Variants in IL15RA observed in about 807,000 individuals in gnomAD.
IL15RA encodes the protein interleukin 15 receptor subunit alpha, also known as interleukin-15 receptor subunit alpha.
A neutral mutation model predicts 24.2 loss-of-function variants in IL15RA; 26 were observed. That is an observed-to-expected ratio of 1.07 (90% confidence interval 0.79 to 1.49). IL15RA has a LOEUF of 1.49. Among genes scored for constraint, IL15RA ranks in the 40% most tolerant of loss-of-function variants. The pLI is 0.00. For synonymous variants in IL15RA, 166 were observed against 157.6 expected, an observed-to-expected ratio of 1.05 and a Z score of -0.40; for missense variants, 354 against 356.4, an observed-to-expected ratio of 0.99 and a Z score of 0.05.
intron 5 of IL15RA, 76 bp from the exon 6 acceptor site, chr10:5,956,530 T>C (rs1347309263): frequency 1.3e-5 from 15 of 1,118,516 alleles, no homozygotes; most frequent in Non-Finnish European, 1.8e-5. Flanking sequence ...TTACCATGGA[T>C]GTTCTTACAG....
rs1000373609 is a variant in IL15RA, at chr10:5,975,657, C to T, written c.88+1748G>A. On this transcript the variant is annotated intron_variant, in intron 1 of 6. Transcript: ENST00000379977. This position sits in a 1 kb window ranked among gnomAD's most constrained non-coding sequence, Gnocchi z 4.8. ...ATCCCAGCACTTTGGAAGGCCGAGG[C>T]GGGCAGATCACAAGGTCAGGAGTGA... is the stretch of plus-strand genomic sequence containing the variant. Among the ~76,000 whole-genome samples, 5 of 152,028 alleles carry T rather than the reference C, an allele frequency of 3.3e-5. No homozygotes were observed. The highest frequency in any genetic ancestry group is 5.9e-5 in the Non-Finnish European group (4 of 68,000).
chr10:5,976,599 A>C (rs2132760856), intron 1 of IL15RA, among the ~76,000 whole-genome samples: 1 of 152,248 alleles, frequency 6.6e-6, no homozygotes, highest in East Asian at 1.9e-4. Flanking sequence ...AAGCGCTGAC[A>C]AGGATAGAGC....
Position 5,961,529 on chromosome 10 carries a change from C to T in IL15RA, c.383-962G>A, listed in dbSNP as rs914960530. 8.5e-5 allele frequency among the ~76,000 whole-genome samples: 13 copies of T among 152,234 alleles called. No homozygotes were observed. Among genetic ancestry groups the T allele is most frequent in the African/African-American group, 2.9e-4 (12 of 41,458 alleles). On this transcript the variant is annotated intron_variant, in intron 3 of 6. Transcript: ENST00000379977. The surrounding 1 kb of genome is among the most constrained non-coding windows in gnomAD (Gnocchi z 5.2). Reference sequence around the variant, plus strand: ...TGAGAGCAGGTGAAGCTGCGCTGGCCGAGGACGCTCGGAGCGGCTGCGTGT... The same window carrying T: ...TGAGAGCAGGTGAAGCTGCGCTGGCTGAGGACGCTCGGAGCGGCTGCGTGT...
At chr10:5,977,634 A>G, upstream of IL15RA, 1 of 1,261,672 alleles carries the variant, frequency 7.9e-7, no homozygotes, top group Non-Finnish European at 1.0e-6. Context: ...GAGGGCTCGG[A>G]GAGGTGCAAA....
At chr10:5,972,386 A>C (rs1248545033) in intron 1 of IL15RA, among the ~76,000 whole-genome samples, 1 of 152,062 alleles carries the variant, frequency 6.6e-6, no homozygotes, top group Non-Finnish European at 1.5e-5. Flanking sequence ...TTTTATTGTT[A>C]TTTTTGAGAC....
At chr10:5,956,100 C>T (rs1398801531) in intron 6 of IL15RA, among the ~76,000 whole-genome samples, 3 of 152,016 alleles carry the variant, frequency 2.0e-5, no homozygotes, top group Non-Finnish European at 4.4e-5. Flanking sequence ...CTGCAACCTC[C>T]GCCTCCCGGG....
At position 5,973,600 on chromosome 10, in the gene IL15RA, C is replaced by T. The variant is rs1450396937; in HGVS notation, c.88+3805G>A. Among the ~76,000 whole-genome samples, 1 of 152,100 alleles carries T rather than the reference C, an allele frequency of 6.6e-6. No homozygotes were observed. Among genetic ancestry groups the T allele is most frequent in the African/African-American group, 2.4e-5 (1 of 41,410 alleles). On this transcript the variant is annotated intron_variant, in intron 1 of 6. Transcript: ENST00000379977. The surrounding 1 kb of genome is among the most constrained non-coding windows in gnomAD (Gnocchi z 4.5). The stretch of plus-strand genomic sequence containing the variant: ...AAGGGTGCTGGAATAATTGGATATG[C>T]ATATATAGAAACAAACAAAATCCCA...
In IL15RA at chr10:5,953,315, C is replaced by A. The variant is rs1389850088; in HGVS notation, c.693-109G>T. ...TCCAGCACTGCGGGGATGGCAGGAG[C>A]AGACAGAGGCCCTGCCACGGGAGTC... On this transcript the variant is annotated intron_variant, in intron 6 of 6. Transcript: ENST00000379977. This position sits in a 1 kb window ranked among gnomAD's most constrained non-coding sequence, Gnocchi z 5.3. The A allele has an allele frequency of 6.2e-6, 5 of 803,510 alleles. No individual in the cohort carries two copies. The highest frequency in any genetic ancestry group is 8.7e-6 in the Non-Finnish European group (4 of 458,596). 49.8% of individuals were successfully genotyped at this position (803,510 alleles called of 1,614,324 possible).
chr10:5,951,141 CAAAAAAAAAAAAAAAAAA>C (rs60771366), downstream of IL15RA, among the ~76,000 whole-genome samples: 54 of 35,952 alleles, frequency 1.5e-3, no homozygotes, highest in African/African-American at 6.2e-3. Context: ...GACTCAGTCT[CAAAAAAAAAAAAAAAAAA>C]AAAAAAAAAA....
rs1405285040 is a variant in IL15RA at position 5,964,714 on chromosome 10, C to T, written c.284-873G>A. The stretch of plus-strand genomic sequence containing the variant: ...CATTTGCCCAAAGGACATGGAGTGT[C>T]GAGGAGACCTGACTTGCCCTGCAGT... On this transcript the variant is annotated intron_variant, in intron 2 of 6. Transcript: ENST00000379977. This position sits in a 1 kb window ranked among gnomAD's most constrained non-coding sequence, Gnocchi z 5.6. Among the ~76,000 whole-genome samples the T allele has an allele frequency of 6.6e-6, 1 of 152,174 alleles. No homozygotes were observed. The highest frequency in any genetic ancestry group is 1.5e-5 in the Non-Finnish European group (1 of 68,034).
intron 1 of IL15RA, chr10:5,977,057 G>GT (rs983067108): frequency 4.6e-6 from 1 of 217,998 alleles, no homozygotes; most frequent in African/African-American, 2.3e-5. Flanking sequence ...GCACTCGCCC[G>GT]TGTCTCCAAA....
At position 5,953,035 on chromosome 10, in the gene IL15RA, T is replaced by C. The variant is rs375148685; in HGVS notation, c.*60A>G. 2 of 1,270,244 alleles carry C rather than the reference T, an allele frequency of 1.6e-6. No individual in the cohort carries two copies. The highest frequency in any genetic ancestry group is 2.9e-5 in the African/African-American group (2 of 67,972). 78.7% of individuals were successfully genotyped at this position (1,270,244 alleles called of 1,614,324 possible). Reference sequence around the variant, plus strand: ...TTCCTTGCACCTCTTCTCAGTCGTCTTTAGCTAAAGCAGAGAGGCTCCTTC... The same window carrying C: ...TTCCTTGCACCTCTTCTCAGTCGTCCTTAGCTAAAGCAGAGAGGCTCCTTC... On this transcript the variant is annotated 3_prime_UTR_variant, in exon 7 of 7. Coordinates refer to ENST00000379977, the MANE Select transcript of IL15RA (RefSeq NM_002189.4). This position sits in a 1 kb window ranked among gnomAD's most constrained non-coding sequence, Gnocchi z 5.3.
Position 5,958,210 on chromosome 10 carries a change from G to A in IL15RA, c.616+1544C>T, listed in dbSNP as rs770770869. The stretch of plus-strand genomic sequence containing the variant: ...GTCCTGATATGGGAGGATCTACAAG[G>A]TATACCAGCAAGTGGAAACAAACAT... On this transcript the variant is annotated intron_variant, in intron 5 of 6. Coordinates refer to ENST00000379977, the MANE Select transcript of IL15RA (RefSeq NM_002189.4). This position sits in a 1 kb window ranked among gnomAD's most constrained non-coding sequence, Gnocchi z 4.3. The A allele has an allele frequency of 2.4e-6, 1 of 411,898 alleles. No individual in the cohort carries two copies. The highest frequency in any genetic ancestry group is 4.9e-6 in the Non-Finnish European group (1 of 202,890). 25.5% of individuals were successfully genotyped at this position (411,898 alleles called of 1,614,324 possible).
downstream of IL15RA, among the ~76,000 whole-genome samples, chr10:5,952,063 T>G (rs575116994): frequency 2.0e-5 from 3 of 152,186 alleles, no homozygotes; most frequent in African/African-American, 7.2e-5. Flanking sequence ...AATGAGGAGG[T>G]GGGGTTAGGC....
Position 5,968,780 on chromosome 10 carries a change from T to C in IL15RA, c.89-2441A>G. ...CATGATAGATGGCTGTGCTACCTGC[T>C]TGCTGCCTGCTTGTCCGATGGTGGT... On this transcript the variant is annotated intron_variant, in intron 1 of 6. Coordinates refer to ENST00000379977, the MANE Select transcript of IL15RA (RefSeq NM_002189.4). The surrounding 1 kb of genome is among the most constrained non-coding windows in gnomAD (Gnocchi z 5.4). The C allele has an allele frequency of 1.4e-6, 1 of 705,546 alleles. No individual in the cohort carries two copies. The highest frequency in any genetic ancestry group is 2.7e-5 in the East Asian group (1 of 37,300). 43.7% of individuals were successfully genotyped at this position (705,546 alleles called of 1,614,324 possible). A position where few individuals can be genotyped will look rare whatever the true frequency, so the allele number is the denominator to read the frequency against.
Position 5,960,639 on chromosome 10 carries a change from A to C in IL15RA, c.383-72T>G. On this transcript the variant is annotated intron_variant, in intron 3 of 6. Transcript: ENST00000379977. The surrounding 1 kb of genome is among the most constrained non-coding windows in gnomAD (Gnocchi z 5.1). ...CTCCTCTCAGCTGCAGCACGGGGTG[A>C]TGTGGGAGCTGCCATAGTGAGTCAC... 3.0e-6 allele frequency: 4 copies of C among 1,327,962 alleles called. No homozygotes were observed. The highest frequency in any genetic ancestry group is 4.3e-6 in the Non-Finnish European group (4 of 937,902). The allele number at this position is 1,327,962 out of a possible 1,614,324, so 82.3% of individuals were successfully genotyped here. A position where few individuals can be genotyped will look rare whatever the true frequency, so the allele number is the denominator to read the frequency against.
Position 5,959,795 on chromosome 10 carries a change from AAG to A in IL15RA, c.584-11_584-10del, listed in dbSNP as rs768915067. ...GCCCTGTGGATACACACCTGCGGAA[AAG>A]AGAGGACAGCATCACGGCTCGAGTC... On this transcript the variant is annotated splice_polypyrimidine_tract_variant and intron_variant, in intron 4 of 6. Coordinates refer to ENST00000379977, the MANE Select transcript of IL15RA (RefSeq NM_002189.4). The surrounding 1 kb of genome is among the most constrained non-coding windows in gnomAD (Gnocchi z 4.1). 1.9e-6 allele frequency: 3 copies of A among 1,613,832 alleles called. No individual in the cohort carries two copies. The highest frequency in any genetic ancestry group is 3.3e-5 in the Admixed American group (2 of 60,000).
intron 1 of IL15RA, among the ~76,000 whole-genome samples, chr10:5,974,301 A>T (rs1334188170): frequency 6.6e-6 from 1 of 152,116 alleles, no homozygotes; most frequent in Non-Finnish European, 1.5e-5. Context: ...CACCCAGCTG[A>T]TACAATTCAA....
chr10:5,964,474 T>A lies in IL15RA; in HGVS notation c.284-633A>T, dbSNP rs574651224. Among the ~76,000 whole-genome samples, 2 of 152,288 alleles carry A rather than the reference T, an allele frequency of 1.3e-5. No individual in the cohort carries two copies. Among genetic ancestry groups the A allele is most frequent in the South Asian group, 4.1e-4 (2 of 4,820 alleles). On this transcript the variant is annotated intron_variant, in intron 2 of 6. Transcript: ENST00000379977. The surrounding 1 kb of genome is among the most constrained non-coding windows in gnomAD (Gnocchi z 5.6). ...TAAGCCACCATACCTGGCTTACATT[T>A]CACTTGTTGAGCAGGAAAAAAGTCA...
Sources: gnomAD v4.1 joint callset for allele counts (sites outside exome capture counted in the v4.1 genomes callset) on GRCh38, gnomAD v4.1.1 for gene constraint, Gnocchi (gnomAD v3.1) non-coding constraint, MANE v1.5 for transcripts, NCBI Gene and HGNC (gene_info 2026-07-23, HGNC 2026-07-21) for gene names.